PSG9: variants seen among roughly 807,000 people sequenced by gnomAD.
PSG9 encodes pregnancy specific beta-1-glycoprotein 9.
Under a neutral mutation model 41.9 loss-of-function variants are expected in PSG9, and 49 were observed. The ratio of observed to expected loss-of-function variants is 1.17; its 90% CI spans 0.93 to 1.48. PSG9 has a LOEUF of 1.48. Ranked by LOEUF, PSG9 falls within the 40% of genes most tolerant of loss-of-function variation. PSG9 has a pLI of 0.00. For missense variants in PSG9, 641 were observed against 520.3 expected (o/e 1.23, Z -2.26); for synonymous variants, 263 against 196.8 (o/e 1.34, Z -2.82).
Position 43,267,768 on chromosome 19 carries a change from A to C in PSG9, c.430+16T>G. On this transcript the variant is annotated intron_variant, in intron 2 of 5. Transcript: ENST00000270077. ...CCCTTCCCCCCAACACCCAGGGATCATGTGGAATCACTCACAGTATAAGGT... is the reference window on the plus strand; with the variant it reads ...CCCTTCCCCCCAACACCCAGGGATCCTGTGGAATCACTCACAGTATAAGGT... 6.2e-7 allele frequency: 1 copy of C among 1,612,572 alleles called. No homozygotes were observed. Among genetic ancestry groups the C allele is most frequent in the Non-Finnish European group, 8.5e-7 (1 of 1,179,134 alleles).
chr19:43,256,789 T>C (rs1968458499), intron 5 of PSG9, among the ~76,000 whole-genome samples: 1 of 146,856 alleles, frequency 6.8e-6, no homozygotes, highest in Non-Finnish European at 1.5e-5. Context: ...TAAAAAGTGG[T>C]GTGGCTGTTT....
intron 2 of PSG9, among the ~76,000 whole-genome samples, chr19:43,264,570 G>T (rs1443693496): frequency 8.6e-5 from 13 of 151,970 alleles, no homozygotes; most frequent in Admixed American, 6.6e-5. Flanking sequence ...CCATTCTCCT[G>T]CCTAGGCCTC....
intron 3 of PSG9, 49 bp downstream of exon 3, chr19:43,261,811 G>T (rs1265818227): frequency 7.4e-6 from 12 of 1,614,014 alleles, no homozygotes; most frequent in South Asian, 1.1e-5. Context: ...CTCTGGCCAT[G>T]TGTATTTGGG....
intron 5 of PSG9, among the ~76,000 whole-genome samples, chr19:43,254,431 A>G (rs10423013): frequency 0.43 from 62,916 of 145,044 alleles, 18,346 homozygotes; most frequent in East Asian, 0.89. Context: ...CCTTTAAAAC[A>G]ATGGTAAGAA....
chr19:43,263,214 T>C (rs1968809378), intron 2 of PSG9, among the ~76,000 whole-genome samples: 2 of 152,110 alleles, frequency 1.3e-5, no homozygotes, highest in African/African-American at 4.8e-5. Context: ...TGTTGTTCCG[T>C]GGGTGTGCAG....
chr19:43,262,237 A>C lies in PSG9; in HGVS notation c.431-99T>G, dbSNP rs990970668. On this transcript the variant is annotated intron_variant, in intron 2 of 5. Coordinates refer to ENST00000270077, the MANE Select transcript of PSG9 (RefSeq NM_002784.5). Reference sequence around the variant, plus strand: ...TTGGCATTTCCCACCTCTCAGCCCAACCCAGTCCTTAAAAGCCCATGGCAG... The same window carrying C: ...TTGGCATTTCCCACCTCTCAGCCCACCCCAGTCCTTAAAAGCCCATGGCAG... The C allele has an allele frequency of 1.1e-4, 168 of 1,532,352 alleles. 1 individual carries two copies. The highest frequency in any genetic ancestry group is 3.6e-4 in the East Asian group (16 of 44,210). 94.9% of individuals were successfully genotyped at this position (1,532,352 alleles called of 1,614,324 possible).
At chr19:43,268,729 A>G (rs1969103961) in intron 1 of PSG9, among the ~76,000 whole-genome samples, 2 of 151,394 alleles carry the variant, frequency 1.3e-5, no homozygotes, top group Non-Finnish European at 2.9e-5. Flanking sequence ...AGGGCCCTCC[A>G]TGCCCTGGGT....
Position 43,258,451 on chromosome 19 carries a change from G to C in PSG9, c.994C>G (p.Pro332Ala). The change falls in exon 5 of 6, where the codon CCA (proline) becomes GCA (alanine). Residue 332 changes from proline to alanine, a missense_variant. Coordinates refer to ENST00000270077, the MANE Select transcript of PSG9 (RefSeq NM_002784.5). ...NPVILNVLYG[P>A]DLPRIYPSFT... ...GAAGGGTAAATTCTGGGGAGGTCTGGACCATCTGGAGGAAAGAGAATAAAG... is the reference window on the plus strand; with the variant it reads ...GAAGGGTAAATTCTGGGGAGGTCTGCACCATCTGGAGGAAAGAGAATAAAG... The C allele has an allele frequency of 6.4e-7, 1 of 1,567,148 alleles. No individual in the cohort carries two copies. The highest frequency in any genetic ancestry group is 1.2e-5 in the South Asian group (1 of 85,044).
rs4028446 is a variant in PSG9 at position 43,259,134 on chromosome 19, C to T, written c.711G>A (p.Pro237=). The T allele has an allele frequency of 1.8e-4, 279 of 1,589,970 alleles. 17 individuals carry two copies. Among genetic ancestry groups the T allele is most frequent in the Middle Eastern group, 2.1e-4 (1 of 4,674 alleles). ...TGGTGATGTAGGGGATGGGCAGCTT[C>T]GCTGTGTGGATAACAGAGAGAAGAT... ...RSDPVTLNLL[P]KLPIPYITIN... is the part of the protein sequence containing the mutation. Residue 237 remains proline, a splice_region_variant and synonymous_variant, in exon 4 of 6, where the codon CCG becomes CCA. Transcript: ENST00000270077.
intron 3 of PSG9, chr19:43,259,494 G>A (rs1421584580): frequency 1.8e-5 from 5 of 282,904 alleles, no homozygotes; most frequent in Admixed American, 9.6e-5. Context: ...CAACTGCTGG[G>A]CCCCTTCCAA....
In PSG9 at chr19:43,255,105, C is replaced by CAA. The variant is rs35986995; in HGVS notation, c.1244-1461_1244-1460dup. On this transcript the variant is annotated intron_variant, in intron 5 of 5. Transcript: ENST00000270077. ...AGTGAGAGCCTGTCTCTCTCTCTTC[C>CAA]AAAAAAAAAAAAAAAGAAAGAAAGA... Among the ~76,000 whole-genome samples, 15 of 82,248 alleles carry CAA rather than the reference C, an allele frequency of 1.8e-4. 1 individual carries two copies. Among genetic ancestry groups the CAA allele is most frequent in the African/African-American group, 7.1e-4 (14 of 19,624 alleles). 54.0% of individuals were successfully genotyped at this position (82,248 alleles called of 152,430 possible). A position where few individuals can be genotyped will look rare whatever the true frequency, so the allele number is the denominator to read the frequency against.
At chr19:43,268,973 C>T (rs1969116840) in intron 1 of PSG9, among the ~76,000 whole-genome samples, 1 of 151,992 alleles carries the variant, frequency 6.6e-6, no homozygotes, top group Non-Finnish European at 1.5e-5. Flanking sequence ...GTGTATTTTC[C>T]CCTATCCAGG....
Position 43,259,068 on chromosome 19 carries a change from G to A in PSG9, c.777C>T (p.Ala259=), listed in dbSNP as rs746954851. The change falls in exon 4 of 6, where the codon GCC becomes GCT. Residue 259 remains alanine (A), a synonymous_variant. Coordinates refer to ENST00000270077, the MANE Select transcript of PSG9 (RefSeq NM_002784.5). ...TCTCACTCTTAGGTTCACAGGTGAA[G>A]GCTAAGACATCCTTATTCTCCCTGG... The part of the protein sequence containing the change: ...LNPRENKDVL[A]FTCEPKSENY... 5.7e-5 allele frequency: 91 copies of A among 1,590,156 alleles called. 6 individuals are homozygous for A. The highest frequency in any genetic ancestry group is 7.1e-5 in the Non-Finnish European group (83 of 1,174,334).
At chr19:43,257,924 T>G in intron 5 of PSG9, 1 of 1,416,442 alleles carries the variant, frequency 7.1e-7, no homozygotes, top group Non-Finnish European at 9.2e-7. Flanking sequence ...CTCCTTCTTG[T>G]CCCTCTCTGA....
intron 1 of PSG9, 43 bp from the exon 2 acceptor site, chr19:43,268,192 A>G (rs749205335): frequency 6.5e-7 from 1 of 1,541,000 alleles, no homozygotes. Context: ...AGACCTATGT[A>G]TTGTGGTGAA....
In PSG9 at chr19:43,265,366, G is replaced by A. The variant is rs370513276; in HGVS notation, c.430+2418C>T. Reference sequence around the variant, plus strand: ...ATAGATAACATCACTATTGTAGAACGTGAGATTGGTCTTTTGAGATGTTTC... The same window carrying A: ...ATAGATAACATCACTATTGTAGAACATGAGATTGGTCTTTTGAGATGTTTC... On this transcript the variant is annotated intron_variant, in intron 2 of 5. Transcript: ENST00000270077. Among the ~76,000 whole-genome samples, 15 of 152,238 alleles carry A rather than the reference G, an allele frequency of 9.9e-5. 1 individual carries two copies. The highest frequency in any genetic ancestry group is 3.9e-4 in the East Asian group (2 of 5,170).
intron 2 of PSG9, among the ~76,000 whole-genome samples, chr19:43,266,172 G>C (rs553256293): frequency 9.9e-4 from 151 of 151,986 alleles, no homozygotes; most frequent in African/African-American, 3.6e-3. Flanking sequence ...CAGGGCCCAG[G>C]TGCCCCCAGT....
chr19:43,260,518 C>G (rs1968661191), intron 3 of PSG9: 2 of 147,076 alleles, frequency 1.4e-5, no homozygotes, highest in Non-Finnish European at 1.5e-5. Flanking sequence ...CACCACTTTT[C>G]TAGCTTGATG....
Position 43,258,453 on chromosome 19 carries a change from C to T in PSG9, c.992G>A (p.Gly331Asp), listed in dbSNP as rs1299100671. 8.3e-6 allele frequency: 13 copies of T among 1,566,126 alleles called. 3 individuals are homozygous for T. The highest frequency in any genetic ancestry group is 1.1e-5 in the Non-Finnish European group (13 of 1,163,074). ...SNPVILNVLY[G>D]PDLPRIYPSF... ...AGGGTAAATTCTGGGGAGGTCTGGA[C>T]CATCTGGAGGAAAGAGAATAAAGCC... The change falls in exon 5 of 6, where the codon GGT (glycine) becomes GAT (aspartate). Residue 331 changes from glycine (G) to aspartate (D), a missense_variant. Physicochemically the swap from Gly to Asp is moderately conservative, Grantham distance 94. Transcript: ENST00000270077.
Sources: allele counts gnomAD v4.1 joint callset (sites outside exome capture counted in the v4.1 genomes callset), GRCh38; gene constraint gnomAD v4.1.1; transcripts MANE v1.5; gene names NCBI Gene and HGNC (gene_info 2026-07-23, HGNC 2026-07-21).